The following ABI1 variants were observed in gnomAD, a reference collection of about 807,000 sequenced individuals.
The protein encoded by ABI1 is Abelson interactor 1.
A neutral mutation model predicts 54.6 loss-of-function variants in ABI1; 14 were observed. The ratio of observed to expected loss-of-function variants is 0.26; its 90% CI spans 0.17 to 0.40. The LOEUF is 0.40. Among genes scored for constraint, ABI1 ranks in the 10% least tolerant of loss-of-function variants. The pLI, the probability that ABI1 is intolerant of heterozygous loss-of-function variation, is 1.00. For synonymous variants in ABI1, 194 were observed against 209.3 expected (o/e 0.93, Z 0.63); for missense variants, 443 against 598.3 (o/e 0.74, Z 2.71).
At chr10:26,764,030 A>C (rs1273905376) in intron 7 of ABI1, 14 of 1,213,446 alleles carry the variant, frequency 1.2e-5, no homozygotes, top group Non-Finnish European at 1.6e-5. Context: ...AACAGCAAGA[A>C]AGTACAATGT....
intron 2 of ABI1, among the ~76,000 whole-genome samples, chr10:26,821,059 A>G (rs1165679397): frequency 2.0e-5 from 3 of 150,644 alleles, no homozygotes; most frequent in East Asian, 2.0e-4. Context: ...CCTGGCCAAC[A>G]TGGTGAAACC....
intron 2 of ABI1, among the ~76,000 whole-genome samples, chr10:26,797,416 A>T (rs1844327390): frequency 1.3e-5 from 2 of 152,232 alleles, no homozygotes; most frequent in South Asian, 4.1e-4. Context: ...AAGGGATTGC[A>T]CTGAATTCCG....
chr10:26,809,403 G>GA (rs1239595683), intron 2 of ABI1, among the ~76,000 whole-genome samples: 3 of 149,528 alleles, frequency 2.0e-5, no homozygotes, highest in Admixed American at 1.3e-4. Context: ...ACAAAAAGAT[G>GA]AAAAAACCAG....
At chr10:26,812,606 C>T in intron 2 of ABI1, among the ~76,000 whole-genome samples, 1 of 152,144 alleles carries the variant, frequency 6.6e-6, no homozygotes, top group Non-Finnish European at 1.5e-5. Flanking sequence ...TAACAAAGTA[C>T]CACAGGTAAG....
intron 2 of ABI1, among the ~76,000 whole-genome samples, chr10:26,810,579 G>A (rs1337446509): frequency 3.3e-5 from 5 of 152,074 alleles, no homozygotes; most frequent in South Asian, 2.1e-4. Context: ...GGCTTCTGTC[G>A]TAACGACTCA....
At position 26,748,343 on chromosome 10, in the gene ABI1, A is replaced by G; in HGVS notation, c.*227T>C. On this transcript the variant is annotated 3_prime_UTR_variant, in exon 11 of 11. Coordinates refer to ENST00000376140, the MANE Select transcript of ABI1 (RefSeq NM_001012750.3). ...TAAAGTTAAAAATGTGTAAGTAAGT[A>G]CATAAGCATAATCAGTTATGGACAG... 1 of 412,246 alleles carries G rather than the reference A, an allele frequency of 2.4e-6. No individual in the cohort carries two copies. Among genetic ancestry groups the G allele is most frequent in the Non-Finnish European group, 4.4e-6 (1 of 229,586 alleles). The allele number at this position is 412,246 out of a possible 1,614,324, so 25.5% of individuals were successfully genotyped here.
intron 1 of ABI1, among the ~76,000 whole-genome samples, chr10:26,827,654 G>C (rs1371121756): frequency 6.7e-6 from 1 of 149,806 alleles, no homozygotes; most frequent in Non-Finnish European, 1.5e-5. Flanking sequence ...GTGCAATGGA[G>C]TGATCTCGGC....
At chr10:26,761,661 T>TATATATATATATATATACACAC (rs1375832167) in intron 7 of ABI1, among the ~76,000 whole-genome samples, 11 of 78,914 alleles carry the variant, frequency 1.4e-4, no homozygotes, top group African/African-American at 2.1e-4. Flanking sequence ...TATATATATA[T>TATATATATATATATATACACAC]ACACACACAC....
At chr10:26,841,507 T>C (rs2049502012) in intron 1 of ABI1, among the ~76,000 whole-genome samples, 3 of 152,008 alleles carry the variant, frequency 2.0e-5, no homozygotes, top group Admixed American at 2.0e-4. Context: ...GTCCTCTTAT[T>C]AGCTACATGT....
intron 2 of ABI1, among the ~76,000 whole-genome samples, chr10:26,811,999 T>C (rs1294179015): frequency 6.6e-6 from 1 of 152,202 alleles, no homozygotes; most frequent in South Asian, 2.1e-4. Flanking sequence ...TTCGAGATTA[T>C]GGTGACTACC....
intron 7 of ABI1, among the ~76,000 whole-genome samples, chr10:26,762,779 G>T (rs1249443856): frequency 6.6e-6 from 1 of 152,140 alleles, no homozygotes; most frequent in East Asian, 1.9e-4. Flanking sequence ...ATCCTCAGGG[G>T]TCCCTTAACC....
chr10:26,751,402 T>C (rs887922749), intron 10 of ABI1, among the ~76,000 whole-genome samples, 196 bp downstream of exon 10: 12 of 137,610 alleles, frequency 8.7e-5, no homozygotes, highest in Non-Finnish European at 1.6e-4. Context: ...CTGCAACTTT[T>C]ATTTAAAATA....
At chr10:26,750,309 C>A (rs1837450944) in intron 10 of ABI1, among the ~76,000 whole-genome samples, 1 of 152,172 alleles carries the variant, frequency 6.6e-6, no homozygotes, top group African/African-American at 2.4e-5. Context: ...GCCTGGCCAA[C>A]ATGGCAAAAC....
chr10:26,788,341 C>T (rs1842961004), intron 2 of ABI1, among the ~76,000 whole-genome samples: 1 of 152,096 alleles, frequency 6.6e-6, no homozygotes, highest in African/African-American at 2.4e-5. Context: ...ACTAACACAG[C>T]TTATATAAAA....
chr10:26,847,453 C>T (rs118073365), intron 1 of ABI1, among the ~76,000 whole-genome samples: 2,408 of 152,070 alleles, frequency 0.016, 46 homozygotes, highest in African/African-American at 0.049. Context: ...GAAACCCTGT[C>T]CTTAACAAAA....
chr10:26,826,631 G>A (rs764412190), intron 1 of ABI1, among the ~76,000 whole-genome samples: 3 of 152,168 alleles, frequency 2.0e-5, no homozygotes, highest in Admixed American at 6.5e-5. Context: ...AGACTGTTTC[G>A]TCTACATGGA....
chr10:26,818,456 T>C (rs944925847), intron 2 of ABI1, among the ~76,000 whole-genome samples: 2 of 151,208 alleles, frequency 1.3e-5, no homozygotes, highest in Admixed American at 1.3e-4. Flanking sequence ...CCGTCTCTAC[T>C]AAAAATACAA....
chr10:26,847,013 T>C (rs2050033510), intron 1 of ABI1, among the ~76,000 whole-genome samples: 2 of 144,076 alleles, frequency 1.4e-5, no homozygotes, highest in Middle Eastern at 3.5e-3. Flanking sequence ...ATTTGATTAA[T>C]GGAGGAGGCC....
At chr10:26,801,603 A>T (rs2046568417) in intron 2 of ABI1, among the ~76,000 whole-genome samples, 1 of 152,200 alleles carries the variant, frequency 6.6e-6, no homozygotes, top group Non-Finnish European at 1.5e-5. Context: ...CAATGAGAGC[A>T]TCATACCAGC....
Sources: gnomAD v4.1 joint callset for allele counts (sites outside exome capture counted in the v4.1 genomes callset) on GRCh38, gnomAD v4.1.1 for gene constraint, MANE v1.5 for transcripts, NCBI Gene and HGNC (gene_info 2026-07-23, HGNC 2026-07-21) for gene names.